PDGFRL: variants seen among roughly 807,000 people sequenced by gnomAD.
PDGFRL encodes the protein platelet-derived growth factor receptor-like protein.
A neutral mutation model predicts 37.2 loss-of-function variants in PDGFRL; 46 were observed. The ratio of observed to expected loss-of-function variants is 1.24; its 90% CI spans 0.98 to 1.58. The LOEUF is 1.58. Ranked by LOEUF, PDGFRL falls within the 40% of genes most tolerant of loss-of-function variation. PDGFRL has a pLI of 0.00. For synonymous variants in PDGFRL, 251 were observed against 184.3 expected (o/e 1.36, Z -2.93); for missense variants, 692 against 467.6 (o/e 1.48, Z -4.43).
At chr8:17,623,763 G>A (rs2588101) in intron 3 of PDGFRL, among the ~76,000 whole-genome samples, 145,823 of 151,910 alleles carry the variant, frequency 0.96, 70,179 homozygotes, top group Non-Finnish European at 1. Context: ...GCTCCCAGCT[G>A]CTCAGGAGGC....
In PDGFRL at chr8:17,643,099, C is replaced by T. The variant is rs559693209; in HGVS notation, c.*298C>T. 21 of 260,890 alleles carry T rather than the reference C, an allele frequency of 8.0e-5. No individual in the cohort carries two copies. The highest frequency in any genetic ancestry group is 2.4e-4 in the East Asian group (3 of 12,460). The allele number at this position is 260,890 out of a possible 1,614,324, so 16.2% of individuals were successfully genotyped here. A position where few individuals can be genotyped will look rare whatever the true frequency, so the allele number is the denominator to read the frequency against. On this transcript the variant is annotated 3_prime_UTR_variant, in exon 6 of 6. Transcript: ENST00000251630. Reference sequence around the variant, plus strand: ...ATCAATCATTTCTATTAAATGAGCACGTTTTTGTAAAAAATAAAAAGTGGG... The same window carrying T: ...ATCAATCATTTCTATTAAATGAGCATGTTTTTGTAAAAAATAAAAAGTGGG...
At chr8:17,597,431 T>C (rs573995969) in intron 2 of PDGFRL, among the ~76,000 whole-genome samples, 6 of 152,338 alleles carry the variant, frequency 3.9e-5, no homozygotes, top group African/African-American at 7.2e-5. Flanking sequence ...TGAAATGTTC[T>C]TGACACTCAC....
chr8:17,626,636 C>T (rs1389501102), intron 3 of PDGFRL, among the ~76,000 whole-genome samples: 5 of 152,212 alleles, frequency 3.3e-5, no homozygotes, highest in South Asian at 4.1e-4. Flanking sequence ...GCATGTAATA[C>T]GTATTGGGGT....
At chr8:17,641,695 C>T (rs1009730757) in intron 5 of PDGFRL, among the ~76,000 whole-genome samples, 7 of 152,162 alleles carry the variant, frequency 4.6e-5, no homozygotes, top group East Asian at 1.9e-4. Flanking sequence ...GCTCCCAGCA[C>T]GGAATAATCC....
intron 4 of PDGFRL, among the ~76,000 whole-genome samples, chr8:17,632,798 C>T (rs574543908): frequency 5.3e-5 from 8 of 152,234 alleles, no homozygotes; most frequent in Admixed American, 2.0e-4. Flanking sequence ...TCCTCCACTC[C>T]GCCACTGCCT....
chr8:17,605,153 G>C (rs1229311569), intron 2 of PDGFRL, among the ~76,000 whole-genome samples: 2 of 152,094 alleles, frequency 1.3e-5, no homozygotes, highest in African/African-American at 4.8e-5. Flanking sequence ...GAGACAGGGA[G>C]AGGGAAGGAA....
intron 5 of PDGFRL, among the ~76,000 whole-genome samples, chr8:17,640,636 C>G (rs1354841547): frequency 1.3e-5 from 2 of 152,182 alleles, no homozygotes; most frequent in Admixed American, 6.5e-5. Context: ...TCTCAGGTCT[C>G]TCAGCCATGG....
intron 5 of PDGFRL, among the ~76,000 whole-genome samples, chr8:17,635,566 T>C (rs1251828475): frequency 6.6e-6 from 1 of 152,254 alleles, no homozygotes; most frequent in Non-Finnish European, 1.5e-5. Context: ...TTTGCACTTG[T>C]GAATTGTACT....
At chr8:17,584,859 C>T (rs556561511) in intron 1 of PDGFRL, among the ~76,000 whole-genome samples, 7 of 152,112 alleles carry the variant, frequency 4.6e-5, no homozygotes, top group African/African-American at 1.4e-4. Flanking sequence ...GAAAGCAAAT[C>T]TATTAAGAAA....
intron 2 of PDGFRL, among the ~76,000 whole-genome samples, chr8:17,595,294 A>C (rs1804028052): frequency 6.6e-6 from 1 of 151,980 alleles, no homozygotes; most frequent in African/African-American, 2.4e-5. Flanking sequence ...CCTGGCGTTC[A>C]AAGCCTTTCC....
chr8:17,591,808 G>A (rs1803946328), intron 2 of PDGFRL, among the ~76,000 whole-genome samples: 1 of 152,126 alleles, frequency 6.6e-6, no homozygotes, highest in Admixed American at 6.6e-5. Context: ...CAGCTACTCG[G>A]AAGGCTGAGG....
At chr8:17,631,147 C>T (rs2588263) in intron 4 of PDGFRL, among the ~76,000 whole-genome samples, 1 of 152,142 alleles carries the variant, frequency 6.6e-6, no homozygotes, top group African/African-American at 2.4e-5. Context: ...TGCAACACCC[C>T]CCACATTCCT....
At chr8:17,618,005 T>A (rs930225185) in intron 2 of PDGFRL, among the ~76,000 whole-genome samples, 46 of 152,266 alleles carry the variant, frequency 3.0e-4, no homozygotes, top group Admixed American at 1.1e-3. Flanking sequence ...TTCTTTTTTT[T>A]TTAATTTGCT....
rs768722739 is a variant in PDGFRL at position 17,577,221 on chromosome 8, G to T, written c.-32G>T. 6 of 1,605,600 alleles carry T rather than the reference G, an allele frequency of 3.7e-6. No individual in the cohort carries two copies. The highest frequency in any genetic ancestry group is 3.4e-5 in the South Asian group (3 of 89,468). On this transcript the variant is annotated 5_prime_UTR_variant, in exon 1 of 6. Coordinates refer to ENST00000251630, the MANE Select transcript of PDGFRL (RefSeq NM_001372073.1). ...CGTCCCCGCCCCGCGCAGCCGCCGC[G>T]CTCCTGCGCTCCGAGGTCCGAGGTT... is the stretch of plus-strand genomic sequence containing the variant.
chr8:17,595,548 G>A (rs1804034522), intron 2 of PDGFRL, among the ~76,000 whole-genome samples: 1 of 152,172 alleles, frequency 6.6e-6, no homozygotes, highest in African/African-American at 2.4e-5. Context: ...CCTGGTCTGG[G>A]CAGAACCTGG....
intron 2 of PDGFRL, among the ~76,000 whole-genome samples, chr8:17,592,936 ACACACACACACACACTACT>A (rs1199557733): frequency 6.8e-6 from 1 of 147,438 alleles, no homozygotes. Context: ...ACACACACAC[ACACACACACACACACTACT>A]CTACACACAC....
chr8:17,624,131 C>G (rs1804688729), intron 3 of PDGFRL, among the ~76,000 whole-genome samples: 1 of 152,110 alleles, frequency 6.6e-6, no homozygotes, highest in Admixed American at 6.5e-5. Flanking sequence ...TTTGTCTTTT[C>G]AAGCATGGAT....
rs778562627 is a variant in PDGFRL at position 17,628,731 on chromosome 8, C to T, written c.750C>T (p.Ala250=). 23 of 1,613,874 alleles carry T rather than the reference C, an allele frequency of 1.4e-5. No homozygotes were observed. The East Asian group carries it at 4.0e-4, about 28-fold the overall frequency. The change falls in exon 4 of 6, where the codon GCC becomes GCT. Residue 250 remains alanine (A), a synonymous_variant. Transcript: ENST00000251630. ...HQGVVYCRAE[A]GGRSQISVKY... ...GTGTGGTTTACTGCAGGGCGGAGGC[C>T]GGGGGCAGATCTCAGATCTCCGTCA...
At position 17,642,716 on chromosome 8, in the gene PDGFRL, A is replaced by C; in HGVS notation, c.1043A>C (p.Glu348Ala). ...AGTGTCATTACAGTGGAAGACTTTGAGACGATTGATGCAGGATATTACATT... is the reference window on the plus strand; with the variant it reads ...AGTGTCATTACAGTGGAAGACTTTGCGACGATTGATGCAGGATATTACATT... Reference protein sequence around the residue: ...SQSVITVEDFETIDAGYYICT... With the variant: ...SQSVITVEDFATIDAGYYICT... Residue 348 changes from glutamate (E) to alanine (A), a missense_variant, in exon 6 of 6, where the codon GAG (glutamate) becomes GCG (alanine). Transcript: ENST00000251630. The C allele has an allele frequency of 1.9e-6, 3 of 1,605,674 alleles. No homozygotes were observed. Among genetic ancestry groups the C allele is most frequent in the Non-Finnish European group, 1.7e-6 (2 of 1,172,212 alleles).
Sources: gnomAD v4.1 joint callset for allele counts (sites outside exome capture counted in the v4.1 genomes callset) on GRCh38, gnomAD v4.1.1 for gene constraint, MANE v1.5 for transcripts, NCBI Gene and HGNC (gene_info 2026-07-23, HGNC 2026-07-21) for gene names.